The following ABCB10 variants were observed in gnomAD, a reference collection of about 807,000 sequenced individuals.
ABCB10 encodes the protein ATP binding cassette subfamily B member 10.
Under a neutral mutation model 65.4 loss-of-function variants are expected in ABCB10, and 54 were observed. That is an observed-to-expected ratio of 0.83 (90% CI 0.66 to 1.04). The LOEUF is 1.04. ABCB10 is among the 50% of genes least tolerant of loss of function. ABCB10 has a pLI of 0.00. For synonymous variants in ABCB10, 418 were observed against 406.5 expected, an observed-to-expected ratio of 1.03 and a Z score of -0.34; for missense variants, 846 against 976.6, an observed-to-expected ratio of 0.87 and a Z score of 1.78.
chr1:229,518,880 A>G lies in ABCB10; in HGVS notation c.1951-5T>C. On this transcript the variant is annotated splice_region_variant and splice_polypyrimidine_tract_variant and intron_variant, in intron 11 of 12. Transcript: ENST00000344517. ...TAGGAGAAGAATTTTGGGATTCTGA[A>G]GAAGGAAAAAAAAGGAAAAGATAAA... is the stretch of plus-strand genomic sequence containing the variant. The G allele has an allele frequency of 6.3e-7, 1 of 1,592,540 alleles. No individual in the cohort carries two copies. Among genetic ancestry groups the G allele is most frequent in the Non-Finnish European group, 8.6e-7 (1 of 1,168,528 alleles).
intron 4 of ABCB10, among the ~76,000 whole-genome samples, chr1:229,540,989 G>A (rs112282639): frequency 3.4e-4 from 52 of 152,182 alleles, no homozygotes; most frequent in South Asian, 1.7e-3. Flanking sequence ...CCTAGTTGTG[G>A]GGGAAAAAAA....
At chr1:229,548,192 C>T (rs568943105) in intron 2 of ABCB10, among the ~76,000 whole-genome samples, 4 of 152,022 alleles carry the variant, frequency 2.6e-5, no homozygotes, top group African/African-American at 9.6e-5. Flanking sequence ...TTTATATAGA[C>T]GGAGTCTTGC....
rs1282122601 is a variant in ABCB10, at chr1:229,530,383, G to C, written c.1461C>G (p.Ser487Arg). ...FNEGVILNEK[S>R]FQGALEFKNV... ...TCTTAAACTCCAAAGCACCCTGGAA[G>C]CTTTTCTCATTTAAGATGACCCCCT... Residue 487 changes from serine to arginine, a missense_variant, in exon 8 of 13, where the codon AGC becomes AGG. Around this residue, in one of 2 missense-constraint regions of ABCB10, gnomAD observed 632 missense variants for 803.2 expected, o/e 0.79. Coordinates refer to ENST00000344517, the MANE Select transcript of ABCB10 (RefSeq NM_012089.3). 1 of 1,614,052 alleles carries C rather than the reference G, an allele frequency of 6.2e-7. No homozygotes were observed. The highest frequency in any genetic ancestry group is 1.1e-5 in the South Asian group (1 of 91,090).
chr1:229,538,625 T>G (rs1441516918), intron 6 of ABCB10, among the ~76,000 whole-genome samples: 1 of 152,190 alleles, frequency 6.6e-6, no homozygotes, highest in Non-Finnish European at 1.5e-5. Flanking sequence ...AGAACTAAAA[T>G]GCTTTTTTCA....
chr1:229,540,697 A>G lies in ABCB10; in HGVS notation c.1112T>C (p.Met371Thr), dbSNP rs761257690. ...GCTGGCATATTTCTCGATTTCAGTC[A>G]TTTCTTTCCCAAAAGCTCGAACAGT... is the stretch of plus-strand genomic sequence containing the variant. ...VRTVRAFGKE[M>T]TEIEKYASKV... The change falls in exon 5 of 13, where the codon ATG (methionine) becomes ACG (threonine). Residue 371 changes from methionine to threonine, a missense_variant. Met to Thr is a moderately conservative substitution (Grantham distance 81, BLOSUM62 -1). This residue lies in a region of ABCB10 where 632 missense variants were observed against 803.2 expected (regional missense o/e 0.79). Transcript: ENST00000344517. The G allele has an allele frequency of 6.2e-7, 1 of 1,613,614 alleles. No individual in the cohort carries two copies. The highest frequency in any genetic ancestry group is 1.7e-5 in the Admixed American group (1 of 60,022).
Position 229,558,583 on chromosome 1 carries a change from G to A in ABCB10, c.70C>T (p.Leu24=), listed in dbSNP as rs1663325665. 1.4e-6 allele frequency: 2 copies of A among 1,443,984 alleles called. No homozygotes were observed. Among genetic ancestry groups the A allele is most frequent in the African/African-American group, 1.5e-5 (1 of 67,332 alleles). The allele number at this position is 1,443,984 out of a possible 1,614,324, so 89.4% of individuals were successfully genotyped here. The change falls in exon 1 of 13, where the codon CTG becomes TTG. Residue 24 remains leucine (L), a synonymous_variant. Coordinates refer to ENST00000344517, the MANE Select transcript of ABCB10 (RefSeq NM_012089.3). ...GCGGCCCACACGCAGGCTACCGGCA[G>A]GAGCCGACCTGGCTCGGCAGGGCTC... ...PPSPAEPGRL[L]PVACVWAAAS...
chr1:229,549,228 T>A lies in ABCB10; in HGVS notation c.718+6A>T. On this transcript the variant is annotated splice_donor_region_variant and intron_variant, in intron 2 of 12. Transcript: ENST00000344517. ...GACTCACATCCCTGAGAGGAGAGAC[T>A]GTTACCTGAAGTTTGCATGAGGTAG... 1 of 1,613,944 alleles carries A rather than the reference T, an allele frequency of 6.2e-7. No homozygotes were observed. The highest frequency in any genetic ancestry group is 8.5e-7 in the Non-Finnish European group (1 of 1,179,892).
In ABCB10 at chr1:229,549,283, C is replaced by T. The variant is rs778808133; in HGVS notation, c.669G>A (p.Leu223=). 3 of 1,614,134 alleles carry T rather than the reference C, an allele frequency of 1.9e-6. No homozygotes were observed. In the East Asian group the frequency reaches 6.7e-5, roughly 36 times the overall value. ...RLCLGLSAVF[L]CGAAANAIRV... ...GAATGGCATTGGCGGCAGCACCACA[C>T]AGAAACACGGCACTGAGCCCTAGGC... The change falls in exon 2 of 13, where the codon CTG becomes CTA. Residue 223 remains leucine, a synonymous_variant. Transcript: ENST00000344517.
intron 3 of ABCB10, among the ~76,000 whole-genome samples, chr1:229,545,948 G>A (rs1399515568): frequency 6.6e-6 from 1 of 152,134 alleles, no homozygotes; most frequent in Non-Finnish European, 1.5e-5. Context: ...GAGGCAGGCA[G>A]ATCACGAGGT....
chr1:229,554,975 T>C (rs1663211163), intron 1 of ABCB10, among the ~76,000 whole-genome samples: 1 of 152,138 alleles, frequency 6.6e-6, no homozygotes, highest in African/African-American at 2.4e-5. Flanking sequence ...CTCAGAGCAG[T>C]CCTGCCCTCA....
Position 229,549,458 on chromosome 1 carries a change from T to A in ABCB10, c.518-24A>T, listed in dbSNP as rs764889533. 7.5e-6 allele frequency: 12 copies of A among 1,601,760 alleles called. No homozygotes were observed. In the East Asian group the frequency reaches 2.7e-4, roughly 36 times the overall value. On this transcript the variant is annotated intron_variant, in intron 1 of 12. Coordinates refer to ENST00000344517, the MANE Select transcript of ABCB10 (RefSeq NM_012089.3). ...AGCTAGAAAACACAAGCACTCTCAA[T>A]GTTCAGGTTGCTTCAGCAAAGGGGC...
At chr1:229,550,697 A>C (rs1663087735) in intron 1 of ABCB10, among the ~76,000 whole-genome samples, 1 of 151,320 alleles carries the variant, frequency 6.6e-6, no homozygotes, top group Non-Finnish European at 1.5e-5. Flanking sequence ...TACTAAAAAA[A>C]AAAAAAAATA....
At chr1:229,549,143 C>T in intron 2 of ABCB10, 91 bp downstream of exon 2, 1 of 1,373,192 alleles carries the variant, frequency 7.3e-7, no homozygotes, top group Non-Finnish European at 1.0e-6. Context: ...AGAATGGAGC[C>T]TGGAGCACAT....
chr1:229,530,427 TATTA>T lies in ABCB10; in HGVS notation c.1436-23_1436-20del. Reference sequence around the variant, plus strand: ...ACCCCCTCTGAAACATAAAATGGAATATTAATTACTTACAGCAAAAAATTAAACT... The same window carrying T: ...ACCCCCTCTGAAACATAAAATGGAATATTACTTACAGCAAAAAATTAAACT... On this transcript the variant is annotated intron_variant, in intron 7 of 12. Transcript: ENST00000344517. 6.2e-7 allele frequency: 1 copy of T among 1,612,062 alleles called. No individual in the cohort carries two copies. The highest frequency in any genetic ancestry group is 8.5e-7 in the Non-Finnish European group (1 of 1,178,644).
Position 229,540,620 on chromosome 1 carries a change from C to T in ABCB10, c.1189G>A (p.Gly397Ser), listed in dbSNP as rs1662820352. Residue 397 changes from glycine to serine, a missense_variant, in exon 5 of 13, where the codon GGT becomes AGT. This residue lies in a region of ABCB10 where 632 missense variants were observed against 803.2 expected (regional missense o/e 0.79). Coordinates refer to ENST00000344517, the MANE Select transcript of ABCB10 (RefSeq NM_012089.3). The stretch of plus-strand genomic sequence containing the variant: ...GATCTACTTACTGCTCCAAAGAAAC[C>T]AGCCCGGGCGAATGCCTCTTTCCTT... ...LARKEAFARA[G>S]FFGATGLSGN... The T allele has an allele frequency of 6.2e-7, 1 of 1,610,722 alleles. No homozygotes were observed. The highest frequency in any genetic ancestry group is 8.5e-7 in the Non-Finnish European group (1 of 1,179,614).
rs1662438554 is a variant in ABCB10, at chr1:229,526,127, G to A, written c.1726-11C>T. ...AAACAAAATGGGTTCCTACAAATTG[G>A]AAATAAAACATATCACGAATTTCAA... On this transcript the variant is annotated splice_polypyrimidine_tract_variant and intron_variant, in intron 9 of 12. Transcript: ENST00000344517. 5 of 1,602,176 alleles carry A rather than the reference G, an allele frequency of 3.1e-6. No homozygotes were observed. In the East Asian group the frequency reaches 9.0e-5, roughly 29 times the overall value.
chr1:229,540,128 C>T (rs1349246875), intron 5 of ABCB10, among the ~76,000 whole-genome samples: 2 of 152,196 alleles, frequency 1.3e-5, no homozygotes, highest in Non-Finnish European at 2.9e-5. Flanking sequence ...CTGGAATTTG[C>T]CCTCATGGTG....
intron 3 of ABCB10, among the ~76,000 whole-genome samples, chr1:229,547,243 A>G (rs1252717468): frequency 1.3e-5 from 2 of 152,206 alleles, no homozygotes; most frequent in Non-Finnish European, 2.9e-5. Context: ...CCCCGGGTAC[A>G]CACATCTCAG....
intron 2 of ABCB10, among the ~76,000 whole-genome samples, chr1:229,548,079 G>A (rs1262542116): frequency 6.6e-6 from 1 of 150,528 alleles, no homozygotes; most frequent in African/African-American, 2.5e-5. Context: ...ACAGTTCACT[G>A]TAACCTCAAC....
Sources: allele counts gnomAD v4.1 joint callset (sites outside exome capture counted in the v4.1 genomes callset), GRCh38; gene constraint gnomAD v4.1.1; regional missense constraint gnomAD v4.1.1; transcripts MANE v1.5; gene names NCBI Gene and HGNC (gene_info 2026-07-23, HGNC 2026-07-21).